ACSM3: variants seen among roughly 807,000 people sequenced by gnomAD.
The protein encoded by ACSM3 is acyl-CoA synthetase medium chain family member 3.
ACSM3 carries 61 observed loss-of-function variants against 74.1 expected under a neutral mutation model. The ratio of observed to expected loss-of-function variants is 0.82; its 90% CI spans 0.67 to 1.02. The LOEUF is 1.02. Among genes scored for constraint, ACSM3 ranks in the 50% least tolerant of loss-of-function variants. ACSM3 has a pLI of 0.00. For synonymous variants in ACSM3, 213 were observed against 241.5 expected, an observed-to-expected ratio of 0.88 and a Z score of 1.09; for missense variants, 660 against 697.0, an observed-to-expected ratio of 0.95 and a Z score of 0.60.
At chr16:20,678,921 C>T (rs1191679214) in intron 1 of ACSM3, among the ~76,000 whole-genome samples, 2 of 152,016 alleles carry the variant, frequency 1.3e-5, no homozygotes, top group African/African-American at 4.8e-5. Flanking sequence ...AGCCGGCCAC[C>T]CCCCATCATC....
chr16:20,736,813 G>A, intron 1 of ACSM3: 3 of 1,511,678 alleles, frequency 2.0e-6, no homozygotes, highest in Non-Finnish European at 2.7e-6. Flanking sequence ...CACAATTTAA[G>A]GTGGAGCCCC....
At chr16:20,688,122 G>A (rs184175689) in intron 1 of ACSM3, among the ~76,000 whole-genome samples, 1 of 151,566 alleles carries the variant, frequency 6.6e-6, no homozygotes, top group East Asian at 1.9e-4. Context: ...AATATTTGGA[G>A]CTGAAAAATA....
intron 1 of ACSM3, among the ~76,000 whole-genome samples, chr16:20,725,837 T>G (rs923320912): frequency 6.6e-6 from 1 of 152,130 alleles, no homozygotes; most frequent in Non-Finnish European, 1.5e-5. Context: ...CCAGGCGTGG[T>G]GGCACACAAC....
intron 1 of ACSM3, among the ~76,000 whole-genome samples, chr16:20,677,999 A>C (rs1384541961): frequency 1.7e-5 from 2 of 115,856 alleles, no homozygotes; most frequent in Admixed American, 8.1e-5. Flanking sequence ...TAAAGGAAGA[A>C]TACTAAAGGC....
chr16:20,737,251 C>T (rs371230649), intron 1 of ACSM3: 2 of 1,613,606 alleles, frequency 1.2e-6, no homozygotes, highest in African/African-American at 2.7e-5. Flanking sequence ...TTGGTGAGAT[C>T]CACTTTATTT....
At chr16:20,787,225 C>T (rs2080494254) in intron 9 of ACSM3, among the ~76,000 whole-genome samples, 1 of 152,206 alleles carries the variant, frequency 6.6e-6, no homozygotes, top group Non-Finnish European at 1.5e-5. Flanking sequence ...CATCCTAAGT[C>T]ACAAATGCAT....
At chr16:20,740,697 A>C (rs886570343) in intron 1 of ACSM3, among the ~76,000 whole-genome samples, 1 of 152,152 alleles carries the variant, frequency 6.6e-6, no homozygotes, top group Non-Finnish European at 1.5e-5. Flanking sequence ...ACCCTTCTTC[A>C]TTTAATCCCT....
intron 1 of ACSM3, among the ~76,000 whole-genome samples, chr16:20,712,478 G>C (rs922030955): frequency 1.1e-4 from 16 of 152,050 alleles, no homozygotes; most frequent in African/African-American, 2.9e-4. Flanking sequence ...TAATTATACT[G>C]TACATATCTC....
intron 2 of ACSM3, among the ~76,000 whole-genome samples, chr16:20,753,806 A>G (rs941122190): frequency 9.9e-5 from 15 of 152,020 alleles, no homozygotes; most frequent in African/African-American, 3.6e-4. Flanking sequence ...ATTACCATGT[A>G]TTTGTGCCTG....
intron 1 of ACSM3, among the ~76,000 whole-genome samples, chr16:20,708,225 C>T (rs2079733282): frequency 6.6e-6 from 1 of 152,096 alleles, no homozygotes; most frequent in Admixed American, 6.6e-5. Context: ...TGCTTGAACC[C>T]AGGAGGTGGA....
intron 1 of ACSM3, among the ~76,000 whole-genome samples, chr16:20,743,258 C>T (rs796818801): frequency 8.6e-5 from 13 of 152,046 alleles, no homozygotes; most frequent in African/African-American, 2.9e-4. Flanking sequence ...TTGTTTTTTC[C>T]CCTCGCGCAT....
At chr16:20,753,610 T>A (rs1448300013) in intron 2 of ACSM3, among the ~76,000 whole-genome samples, 1 of 152,034 alleles carries the variant, frequency 6.6e-6, no homozygotes. Flanking sequence ...CATAAGGATT[T>A]TCCACAATAA....
At chr16:20,699,662 A>T (rs1405988058) in intron 1 of ACSM3, among the ~76,000 whole-genome samples, 1 of 152,168 alleles carries the variant, frequency 6.6e-6, no homozygotes, top group Non-Finnish European at 1.5e-5. Flanking sequence ...ACGGGGGAAA[A>T]GCCCTTGACA....
At chr16:20,715,032 A>C (rs1300436402) in intron 1 of ACSM3, among the ~76,000 whole-genome samples, 1 of 152,182 alleles carries the variant, frequency 6.6e-6, no homozygotes, top group African/African-American at 2.4e-5. Context: ...TGGATAGATG[A>C]AAGGTAAGTA....
intron 1 of ACSM3, among the ~76,000 whole-genome samples, chr16:20,704,655 C>CA (rs1567319914): frequency 2.0e-5 from 3 of 150,824 alleles, no homozygotes. Flanking sequence ...TTATTAAAGA[C>CA]AAAAAAAGAA....
At chr16:20,739,127 A>AT in intron 1 of ACSM3, 2 of 1,534,704 alleles carry the variant, frequency 1.3e-6, no homozygotes, top group Non-Finnish European at 1.8e-6. Context: ...TTTAAACACT[A>AT]TAAGTAATTA....
intron 1 of ACSM3, among the ~76,000 whole-genome samples, chr16:20,687,267 G>A (rs1054473424): frequency 2.6e-5 from 4 of 152,106 alleles, no homozygotes; most frequent in Non-Finnish European, 2.9e-5. Flanking sequence ...CTGCAGGCAC[G>A]TAGGGGAAAG....
At chr16:20,703,887 A>G (rs1341626511) in intron 1 of ACSM3, 1 of 152,236 alleles carries the variant, frequency 6.6e-6, no homozygotes, top group African/African-American at 2.4e-5. Context: ...AGTTATTGCA[A>G]TGCTCTTCTT....
At chr16:20,765,940 T>C (rs2080121442) in intron 1 of ACSM3, among the ~76,000 whole-genome samples, 1 of 152,234 alleles carries the variant, frequency 6.6e-6, no homozygotes, top group Admixed American at 6.5e-5. Flanking sequence ...TTTATTCCCT[T>C]GTTTACTATA....
Sources: gnomAD v4.1 joint callset for allele counts (sites outside exome capture counted in the v4.1 genomes callset) on GRCh38, gnomAD v4.1.1 for gene constraint, MANE v1.5 for transcripts, NCBI Gene and HGNC (gene_info 2026-07-23, HGNC 2026-07-21) for gene names.